GNB1: variants seen among roughly 807,000 people sequenced by gnomAD.
GNB1 encodes guanine nucleotide-binding protein G(I)/G(S)/G(T) subunit beta-1.
A neutral mutation model predicts 42.9 loss-of-function variants in GNB1; 2 were observed. The ratio of observed to expected loss-of-function variants is 0.05; its 90% CI spans 0.02 to 0.15. The LOEUF is 0.15. Ranked by LOEUF, GNB1 falls within the 10% of genes least tolerant of loss-of-function variation. GNB1 has a pLI of 1.00. For missense variants in GNB1, 193 were observed against 462.2 expected (o/e 0.42, Z 5.34); for synonymous variants, 183 against 174.7 (o/e 1.05, Z -0.38).
In GNB1 at chr1:1,789,241, G is replaced by C. The variant is rs1168257000; in HGVS notation, c.728C>G (p.Thr243Ser). The C allele has an allele frequency of 1.9e-6, 3 of 1,609,204 alleles. No individual in the cohort carries two copies. The highest frequency in any genetic ancestry group is 1.7e-5 in the Admixed American group (1 of 60,002). The part of the protein sequence containing the change: ...CFFPNGNAFA[T>S]GSDDATCRLF... ...CCTGCAGGTGGCGTCGTCTGAGCCA[G>C]TGGCAAATGCATTGCCATTTGGAAA... Residue 243 changes from threonine to serine, a missense_variant, in exon 10 of 12, where the codon ACT (threonine) becomes AGT (serine). Around this residue, in one of 2 missense-constraint regions of GNB1, gnomAD observed 150 missense variants for 410.8 expected, o/e 0.37. Coordinates refer to ENST00000378609, the MANE Select transcript of GNB1 (RefSeq NM_002074.5).
intron 4 of GNB1, among the ~76,000 whole-genome samples, chr1:1,816,671 T>C (rs970876799): frequency 4.3e-5 from 6 of 138,702 alleles, no homozygotes; most frequent in Non-Finnish European, 9.3e-5. Flanking sequence ...TTTTTTAAGA[T>C]GGAGTCTCGC....
chr1:1,790,627 C>A lies in GNB1; in HGVS notation c.498-31G>T, dbSNP rs143955960. ...GCAGGAGCGAATGACAAGGGGACAT[C>A]AGCCTTAACTTCTTGGGTGGCTAGT... On this transcript the variant is annotated intron_variant, in intron 8 of 11. Coordinates refer to ENST00000378609, the MANE Select transcript of GNB1 (RefSeq NM_002074.5). The surrounding 1 kb of genome is among the most constrained non-coding windows in gnomAD (Gnocchi z 5.4). 2.0e-6 allele frequency: 3 copies of A among 1,516,548 alleles called. No homozygotes were observed. The highest frequency in any genetic ancestry group is 2.7e-6 in the Non-Finnish European group (3 of 1,093,612). 93.9% of individuals were successfully genotyped at this position (1,516,548 alleles called of 1,614,324 possible).
At chr1:1,870,659 C>T (rs1207829117) in intron 1 of GNB1, among the ~76,000 whole-genome samples, 3 of 152,134 alleles carry the variant, frequency 2.0e-5, no homozygotes, top group African/African-American at 7.2e-5. Context: ...CCAGTTCAAC[C>T]CATTTCTGAT....
chr1:1,864,072 CAG>C lies in GNB1; in HGVS notation c.-95-24836_-95-24835del, dbSNP rs556530585. On this transcript the variant is annotated intron_variant, in intron 1 of 11. Coordinates refer to ENST00000378609, the MANE Select transcript of GNB1 (RefSeq NM_002074.5). ...GAGTGGTGGCTCACACCTGTAATCC[CAG>C]CACTTTGGGAGGCTGAGGCAGGTGG... 2.0e-3 allele frequency among the ~76,000 whole-genome samples: 297 copies of C among 152,072 alleles called. 1 individual carries two copies. The highest frequency in any genetic ancestry group is 3.5e-3 in the Non-Finnish European group (236 of 67,976).
At chr1:1,828,648 T>C (rs1647031474) in intron 2 of GNB1, among the ~76,000 whole-genome samples, 1 of 152,188 alleles carries the variant, frequency 6.6e-6, no homozygotes, top group Admixed American at 6.6e-5. Context: ...CCAGACGGAC[T>C]TCTTTTTCAT....
At chr1:1,855,321 CAAAAA>C (rs371204734) in intron 1 of GNB1, among the ~76,000 whole-genome samples, 4 of 99,592 alleles carry the variant, frequency 4.0e-5, no homozygotes, top group Admixed American at 2.2e-4. Context: ...GACACTGTGT[CAAAAA>C]AAAAAAAAAA....
chr1:1,864,533 C>CCTA (rs1278634474), intron 1 of GNB1, among the ~76,000 whole-genome samples: 1 of 151,956 alleles, frequency 6.6e-6, no homozygotes, highest in Non-Finnish European at 1.5e-5. Flanking sequence ...TACCACCTGG[C>CCTA]CTGTAGGTTA....
chr1:1,788,816 C>T (rs1646440587), intron 10 of GNB1: 1 of 488,020 alleles, frequency 2.0e-6, no homozygotes, highest in African/African-American at 1.9e-5. Context: ...CTCTCCTGCC[C>T]ACTGACTCTC....
chr1:1,861,797 C>T (rs1648643471), intron 1 of GNB1, among the ~76,000 whole-genome samples: 1 of 152,144 alleles, frequency 6.6e-6, no homozygotes, highest in Non-Finnish European at 1.5e-5. Flanking sequence ...AGCCCCAGGA[C>T]ACATCTCTGG....
Position 1,792,682 on chromosome 1 carries a change from G to A in GNB1, c.497+563C>T, listed in dbSNP as rs367971968. ...CACTCCACTCTAGCCTGGAGACAGA[G>A]AGAGACTCTATCTCAAAAAAAAAAA... On this transcript the variant is annotated intron_variant, in intron 8 of 11. Transcript: ENST00000378609. Among the ~76,000 whole-genome samples the A allele has an allele frequency of 4.4e-5, 6 of 135,610 alleles. No homozygotes were observed. In the East Asian group the frequency reaches 6.4e-4, roughly 14 times the overall value. The allele number at this position is 135,610 out of a possible 152,430, so 89.0% of individuals were successfully genotyped here. A position where few individuals can be genotyped will look rare whatever the true frequency, so the allele number is the denominator to read the frequency against.
intron 1 of GNB1, among the ~76,000 whole-genome samples, chr1:1,887,601 A>G (rs1311522156): frequency 6.6e-6 from 1 of 152,204 alleles, no homozygotes; most frequent in Non-Finnish European, 1.5e-5. Context: ...TTTGAAATCA[A>G]AGTCATTGGG....
chr1:1,874,828 T>C (rs1015318876), intron 1 of GNB1, among the ~76,000 whole-genome samples: 1 of 151,702 alleles, frequency 6.6e-6, no homozygotes, highest in East Asian at 1.9e-4. Flanking sequence ...CTCCTGAGCT[T>C]CGTTCTGTGA....
At chr1:1,855,451 C>T (rs1385709728) in intron 1 of GNB1, among the ~76,000 whole-genome samples, 1 of 152,134 alleles carries the variant, frequency 6.6e-6, no homozygotes, top group Non-Finnish European at 1.5e-5. Flanking sequence ...CCTGTAATCC[C>T]AGCACTTTGG....
At chr1:1,823,242 G>GAA (rs745874003) in intron 3 of GNB1, among the ~76,000 whole-genome samples, 399 of 36,694 alleles carry the variant, frequency 0.011, 8 homozygotes, top group African/African-American at 0.024. Context: ...ACTGTCTCCA[G>GAA]AAAAAAAAAA....
chr1:1,828,406 C>A (rs374920671), intron 2 of GNB1, among the ~76,000 whole-genome samples: 2 of 152,206 alleles, frequency 1.3e-5, no homozygotes, highest in East Asian at 3.9e-4. Context: ...TGGGATAACT[C>A]CTGAAATCTT....
chr1:1,811,557 G>A (rs1481315027), intron 5 of GNB1, among the ~76,000 whole-genome samples: 3 of 151,680 alleles, frequency 2.0e-5, no homozygotes, highest in African/African-American at 4.8e-5. Flanking sequence ...TTAGCCGGGC[G>A]TGGTGGCGGG....
At chr1:1,805,186 C>T (rs1042323606) in intron 6 of GNB1, among the ~76,000 whole-genome samples, 1 of 150,892 alleles carries the variant, frequency 6.6e-6, no homozygotes, top group Non-Finnish European at 1.5e-5. Flanking sequence ...AGGCCGGGTG[C>T]GGTGGCTCAT....
chr1:1,834,827 C>A (rs767204816), intron 2 of GNB1, among the ~76,000 whole-genome samples: 18 of 151,978 alleles, frequency 1.2e-4, no homozygotes, highest in Non-Finnish European at 2.6e-4. Flanking sequence ...TGCCACTATG[C>A]CCTGCTAATT....
chr1:1,833,924 A>G (rs1481803208), intron 2 of GNB1, among the ~76,000 whole-genome samples: 1 of 152,190 alleles, frequency 6.6e-6, no homozygotes, highest in Non-Finnish European at 1.5e-5. Flanking sequence ...ACAGGGAAAC[A>G]TGTTCAATGA....
Sources: allele counts gnomAD v4.1 joint callset (sites outside exome capture counted in the v4.1 genomes callset), GRCh38; gene constraint gnomAD v4.1.1; regional missense constraint gnomAD v4.1.1; non-coding constraint Gnocchi (gnomAD v3.1); transcripts MANE v1.5; gene names NCBI Gene and HGNC (gene_info 2026-07-23, HGNC 2026-07-21).